PHLPP1: variants seen among roughly 807,000 people sequenced by gnomAD.
The protein encoded by PHLPP1 is PH domain and leucine rich repeat protein phosphatase 1.
In PHLPP1, 42 loss-of-function variants were observed where a neutral mutation model predicts 117.2. That is an observed-to-expected ratio of 0.36 (90% CI 0.28 to 0.46). The LOEUF is 0.46. Ranked by LOEUF, PHLPP1 falls within the 20% of genes least tolerant of loss-of-function variation. The probability of loss-of-function intolerance (pLI) is 1.00; values close to 1 mark genes in which losing one functional copy is unlikely to be tolerated. For missense variants in PHLPP1, 2,084 were observed against 2,241.9 expected (o/e 0.93, Z 1.42); for synonymous variants, 1,042 against 970.7 (o/e 1.07, Z -1.37).
chr18:62,835,936 A>G (rs1914882643), intron 2 of PHLPP1, among the ~76,000 whole-genome samples: 1 of 150,060 alleles, frequency 6.7e-6, no homozygotes. Context: ...ATGCACCACC[A>G]CGCCCGACTA....
At chr18:62,949,894 G>C (rs1910403313) in intron 12 of PHLPP1, among the ~76,000 whole-genome samples, 1 of 152,174 alleles carries the variant, frequency 6.6e-6, no homozygotes. Context: ...CCACTGAACT[G>C]CATAGCAGTC....
chr18:62,918,910 C>T (rs1909379086), intron 9 of PHLPP1, among the ~76,000 whole-genome samples: 1 of 151,532 alleles, frequency 6.6e-6, no homozygotes, highest in Non-Finnish European at 1.5e-5. Flanking sequence ...TTGATTTAGC[C>T]ATCCCACAAT....
intron 4 of PHLPP1, among the ~76,000 whole-genome samples, chr18:62,875,250 G>A (rs750733282): frequency 5.3e-5 from 8 of 152,108 alleles, no homozygotes; most frequent in African/African-American, 1.4e-4. Flanking sequence ...CACCACGTCC[G>A]GCCTATAGAA....
At chr18:62,873,381 T>C (rs1915958337) in intron 4 of PHLPP1, among the ~76,000 whole-genome samples, 1 of 152,206 alleles carries the variant, frequency 6.6e-6, no homozygotes, top group Non-Finnish European at 1.5e-5. Context: ...ACTTGCCAAA[T>C]TGGTGACAAT....
At chr18:62,955,359 G>A (rs1910581685) in intron 12 of PHLPP1, among the ~76,000 whole-genome samples, 1 of 152,180 alleles carries the variant, frequency 6.6e-6, no homozygotes, top group African/African-American at 2.4e-5. Context: ...GACTGAAGCT[G>A]GAGTGTGAGC....
chr18:62,780,289 T>C (rs1285898341), intron 1 of PHLPP1, among the ~76,000 whole-genome samples: 1 of 152,228 alleles, frequency 6.6e-6, no homozygotes, highest in East Asian at 1.9e-4. Flanking sequence ...TAAGAAATAC[T>C]GTACATGATT....
rs941241958 is a variant in PHLPP1, at chr18:62,787,398, C to T, written c.1577-42637C>T. Among the ~76,000 whole-genome samples the T allele has an allele frequency of 5.9e-5, 9 of 152,202 alleles. No individual in the cohort carries two copies. The East Asian group carries it at 1.7e-3, about 29-fold the overall frequency. The stretch of plus-strand genomic sequence containing the variant: ...AGCCAGGCTGGTCTCGAACTTCTGA[C>T]CTCAGATGATCCGCCCACCTCGGCC... On this transcript the variant is annotated intron_variant, in intron 1 of 16. Transcript: ENST00000262719.
intron 4 of PHLPP1, among the ~76,000 whole-genome samples, chr18:62,872,152 G>A (rs1049656262): frequency 5.3e-5 from 8 of 152,138 alleles, no homozygotes; most frequent in Non-Finnish European, 1.2e-4. Context: ...GAACCCCCAT[G>A]GGAAAATGAA....
intron 1 of PHLPP1, among the ~76,000 whole-genome samples, chr18:62,721,343 A>G (rs1181060325): frequency 6.6e-6 from 1 of 152,188 alleles, no homozygotes; most frequent in Admixed American, 6.5e-5. Flanking sequence ...TTATTCAAGC[A>G]TACCTATTTG....
In PHLPP1 at chr18:62,968,928, C is replaced by T. The variant is rs566051849; in HGVS notation, c.3561-3586C>T. 2.6e-5 allele frequency among the ~76,000 whole-genome samples: 4 copies of T among 152,256 alleles called. No individual in the cohort carries two copies. The East Asian group carries it at 7.7e-4, about 29-fold the overall frequency. Reference sequence around the variant, plus strand: ...TAATTTGTGTTTTCTTTTTCCTGATCAGTTTGATTTGGTTTATCGATTTTA... The same window carrying T: ...TAATTTGTGTTTTCTTTTTCCTGATTAGTTTGATTTGGTTTATCGATTTTA... On this transcript the variant is annotated intron_variant, in intron 14 of 16. Coordinates refer to ENST00000262719, the MANE Select transcript of PHLPP1 (RefSeq NM_194449.4).
intron 4 of PHLPP1, among the ~76,000 whole-genome samples, chr18:62,864,044 A>G (rs1237579711): frequency 1.3e-5 from 2 of 151,854 alleles, no homozygotes; most frequent in African/African-American, 4.8e-5. Context: ...TTTTTGAGAC[A>G]GAGTCTCGCT....
intron 1 of PHLPP1, among the ~76,000 whole-genome samples, chr18:62,804,440 A>G (rs1306426561): frequency 6.6e-6 from 1 of 152,072 alleles, no homozygotes; most frequent in Non-Finnish European, 1.5e-5. Context: ...GGCCTGGCAC[A>G]GTGGGTCACA....
At chr18:62,834,806 A>G (rs908486952) in intron 2 of PHLPP1, among the ~76,000 whole-genome samples, 2 of 152,174 alleles carry the variant, frequency 1.3e-5, no homozygotes, top group Non-Finnish European at 2.9e-5. Flanking sequence ...CATTATTCCC[A>G]GAAGTTTCCT....
At chr18:62,780,633 A>T (rs1913093480) in intron 1 of PHLPP1, among the ~76,000 whole-genome samples, 1 of 152,128 alleles carries the variant, frequency 6.6e-6, no homozygotes, top group African/African-American at 2.4e-5. Context: ...GCTGCTCCCC[A>T]CCCTGAGTTT....
At chr18:62,743,069 A>AT (rs57323657) in intron 1 of PHLPP1, among the ~76,000 whole-genome samples, 15 of 150,012 alleles carry the variant, frequency 1.0e-4, no homozygotes, top group East Asian at 3.9e-4. Flanking sequence ...CTTGCTTAGG[A>AT]TTTTTTTTTT....
chr18:62,804,037 A>G (rs1204912140), intron 1 of PHLPP1, among the ~76,000 whole-genome samples: 6 of 152,158 alleles, frequency 3.9e-5, no homozygotes, highest in Non-Finnish European at 8.8e-5. Context: ...GGAAATATAT[A>G]AAGGGAAAGA....
intron 1 of PHLPP1, among the ~76,000 whole-genome samples, chr18:62,743,984 C>T (rs1179311525): frequency 6.6e-6 from 1 of 152,136 alleles, no homozygotes; most frequent in East Asian, 1.9e-4. Context: ...GTTGGATCTT[C>T]TTTTGCTGGA....
At chr18:62,850,312 C>T (rs1030791861) in intron 3 of PHLPP1, among the ~76,000 whole-genome samples, 3 of 126,092 alleles carry the variant, frequency 2.4e-5, no homozygotes, top group Non-Finnish European at 3.1e-5. Context: ...TGCTTGAACT[C>T]GGAAGGTGGA....
intron 1 of PHLPP1, among the ~76,000 whole-genome samples, chr18:62,745,538 T>G (rs1911650257): frequency 6.6e-6 from 1 of 152,200 alleles, no homozygotes; most frequent in Non-Finnish European, 1.5e-5. Flanking sequence ...GTGAGAACTC[T>G]CATTGAGAGC....
Sources: allele counts gnomAD v4.1 joint callset (sites outside exome capture counted in the v4.1 genomes callset), GRCh38; gene constraint gnomAD v4.1.1; transcripts MANE v1.5; gene names NCBI Gene and HGNC (gene_info 2026-07-23, HGNC 2026-07-21).